Variants in ACOXL observed in about 807,000 individuals in gnomAD.
ACOXL encodes acyl-CoA oxidase like, also known as acyl-coenzyme A oxidase-like protein.
Under a neutral mutation model 71.9 loss-of-function variants are expected in ACOXL, and 70 were observed. The observed-to-expected ratio is 0.97, with a 90% CI of 0.80 to 1.19. The LOEUF (loss-of-function observed/expected upper bound fraction) is 1.19, where lower values mean the gene tolerates loss of function less well. ACOXL is among the 50% of genes most tolerant of loss of function. The pLI is 0.00. For missense variants in ACOXL, 703 were observed against 736.3 expected, an observed-to-expected ratio of 0.95 and a Z score of 0.52; for synonymous variants, 253 against 281.6, an observed-to-expected ratio of 0.90 and a Z score of 1.02.
intron 10 of ACOXL, among the ~76,000 whole-genome samples, chr2:110,864,828 CT>C (rs746331445): frequency 4.6e-5 from 7 of 152,180 alleles, no homozygotes; most frequent in Non-Finnish European, 8.8e-5. Context: ...GGTATATGGG[CT>C]GCTGGTTTCA....
chr2:110,772,405 C>T (rs1348617885), intron 2 of ACOXL, among the ~76,000 whole-genome samples: 1 of 152,174 alleles, frequency 6.6e-6, no homozygotes, highest in Non-Finnish European at 1.5e-5. Flanking sequence ...TGCCTCCTTT[C>T]CTGCACCCTG....
At chr2:110,882,898 G>A (rs1342650156) in intron 10 of ACOXL, among the ~76,000 whole-genome samples, 2 of 152,174 alleles carry the variant, frequency 1.3e-5, no homozygotes, top group African/African-American at 2.4e-5. Context: ...AAAGACCCAT[G>A]TTAACAAAGT....
At chr2:110,745,029 C>T (rs1177045914) in intron 1 of ACOXL, among the ~76,000 whole-genome samples, 2 of 152,174 alleles carry the variant, frequency 1.3e-5, no homozygotes, top group Non-Finnish European at 2.9e-5. Flanking sequence ...TAGCAACTGC[C>T]CTTTACCGTT....
chr2:111,105,126 T>G (rs911047341), intron 17 of ACOXL, among the ~76,000 whole-genome samples: 1 of 152,262 alleles, frequency 6.6e-6, no homozygotes, highest in South Asian at 2.1e-4. Context: ...CCTTAACACC[T>G]TTAAAAATTA....
chr2:110,784,798 A>G lies in ACOXL; in HGVS notation c.142A>G (p.Met48Val), dbSNP rs1330209443. 3 of 1,607,380 alleles carry G rather than the reference A, an allele frequency of 1.9e-6. No homozygotes were observed. The highest frequency in any genetic ancestry group is 2.5e-6 in the Non-Finnish European group (3 of 1,177,782). ...VIGEVLSMAD[M>V]ATGVKCGIIY... ...AGGAGAAGTCCTCTCCATGGCGGAC[A>G]TGGCCACAGGAGTGAAGGTGAGAGG... Residue 48 changes from methionine (M) to valine (V), a missense_variant, in exon 3 of 18, where the codon ATG (methionine) becomes GTG (valine). Coordinates refer to ENST00000439055, the MANE Select transcript of ACOXL (RefSeq NM_001142807.4).
intron 16 of ACOXL, among the ~76,000 whole-genome samples, chr2:111,053,146 C>T (rs556823620): frequency 2.3e-4 from 35 of 152,338 alleles, no homozygotes; most frequent in Non-Finnish European, 4.0e-4. Context: ...TCCAGCATCA[C>T]ACTCTGCAAA....
intron 12 of ACOXL, among the ~76,000 whole-genome samples, chr2:110,978,177 G>A (rs193084872): frequency 3.2e-4 from 49 of 152,282 alleles, no homozygotes; most frequent in African/African-American, 1.1e-3. Context: ...GGAGGCTGGG[G>A]AGTCCAAGAC....
intron 1 of ACOXL, among the ~76,000 whole-genome samples, chr2:110,767,642 C>T (rs533295748): frequency 6.6e-6 from 1 of 152,302 alleles, no homozygotes; most frequent in East Asian, 1.9e-4. Context: ...ATCTCGAAGG[C>T]AACCCTGAGT....
chr2:110,785,805 C>G (rs1174172763), intron 3 of ACOXL, among the ~76,000 whole-genome samples: 1 of 152,120 alleles, frequency 6.6e-6, no homozygotes, highest in Non-Finnish European at 1.5e-5. Flanking sequence ...TTGCTAGTTA[C>G]AGGATGAATG....
intron 11 of ACOXL, among the ~76,000 whole-genome samples, chr2:110,923,215 G>C (rs1017545016): frequency 5.3e-5 from 8 of 152,176 alleles, no homozygotes; most frequent in Non-Finnish European, 7.3e-5. Context: ...TACTGTCCCT[G>C]CTACCTCTTC....
chr2:111,049,786 T>C lies in ACOXL; in HGVS notation c.1440+498T>C, dbSNP rs1316001016. Among the ~76,000 whole-genome samples, 6 of 152,030 alleles carry C rather than the reference T, an allele frequency of 3.9e-5. No individual in the cohort carries two copies. The South Asian group carries it at 1.2e-3, about 32-fold the overall frequency. ...CCTTGCCCTTGAGTGGAAGACAAGC[T>C]TCTTCCCCCCAACCCCCCGCCCCAA... On this transcript the variant is annotated intron_variant, in intron 16 of 17. Coordinates refer to ENST00000439055, the MANE Select transcript of ACOXL (RefSeq NM_001142807.4).
chr2:110,867,141 T>C (rs1694705851), intron 10 of ACOXL, among the ~76,000 whole-genome samples: 1 of 151,956 alleles, frequency 6.6e-6, no homozygotes, highest in Non-Finnish European at 1.5e-5. Context: ...GGAAGTTAGG[T>C]GCGACTGGAG....
At chr2:110,941,277 C>T (rs2060858789) in intron 12 of ACOXL, among the ~76,000 whole-genome samples, 1 of 152,190 alleles carries the variant, frequency 6.6e-6, no homozygotes, top group South Asian at 2.1e-4. Context: ...CCTGAGGTTT[C>T]AGCATTAGCA....
intron 12 of ACOXL, among the ~76,000 whole-genome samples, chr2:110,976,967 A>G (rs1257787322): frequency 6.6e-6 from 1 of 152,184 alleles, no homozygotes; most frequent in Non-Finnish European, 1.5e-5. Context: ...ACTACTTAAA[A>G]ATGGTTATTT....
chr2:110,801,116 C>G (rs1685937610), intron 7 of ACOXL, among the ~76,000 whole-genome samples: 1 of 152,194 alleles, frequency 6.6e-6, no homozygotes, highest in African/African-American at 2.4e-5. Context: ...TTCAGGACCA[C>G]CCCTCCCCAC....
chr2:110,914,626 C>G (rs1046798402), intron 11 of ACOXL, among the ~76,000 whole-genome samples: 1 of 152,194 alleles, frequency 6.6e-6, no homozygotes, highest in African/African-American at 2.4e-5. Flanking sequence ...GAGAGTTTTA[C>G]TTATTTTTTC....
chr2:111,015,509 G>A (rs1222758518), intron 14 of ACOXL, among the ~76,000 whole-genome samples: 1 of 152,122 alleles, frequency 6.6e-6, no homozygotes, highest in Non-Finnish European at 1.5e-5. Context: ...CTCTCATAAT[G>A]GCTATCTGAA....
rs112809591 is a variant in ACOXL at position 111,047,175 on chromosome 2, A to C, written c.1370-2043A>C. Among the ~76,000 whole-genome samples, 372 of 152,326 alleles carry C rather than the reference A, an allele frequency of 2.4e-3. 1 individual carries two copies. Among genetic ancestry groups the C allele is most frequent in the African/African-American group, 8.4e-3 (348 of 41,574 alleles). ...GTTGGAAAGGGCTGGCTTGGTATGG[A>C]AGTTGACTGGTTTGGATTGGATGTA... On this transcript the variant is annotated intron_variant, in intron 15 of 17. Transcript: ENST00000439055.
intron 9 of ACOXL, among the ~76,000 whole-genome samples, chr2:110,810,196 C>T (rs1225228251): frequency 6.6e-6 from 1 of 152,220 alleles, no homozygotes; most frequent in Non-Finnish European, 1.5e-5. Flanking sequence ...GTGGCTATTG[C>T]TGTAACACGA....
Sources: gnomAD v4.1 joint callset for allele counts (sites outside exome capture counted in the v4.1 genomes callset) on GRCh38, gnomAD v4.1.1 for gene constraint, MANE v1.5 for transcripts, NCBI Gene and HGNC (gene_info 2026-07-23, HGNC 2026-07-21) for gene names.